The following SDC4 variants were observed in gnomAD, a reference collection of about 807,000 sequenced individuals.
SDC4 encodes the protein syndecan-4.
Under a neutral mutation model 20.5 loss-of-function variants are expected in SDC4, and 17 were observed. That is an observed-to-expected ratio of 0.83 (90% CI 0.57 to 1.25). The LOEUF (loss-of-function observed/expected upper bound fraction) is 1.25, where lower values mean the gene tolerates loss of function less well. SDC4 is among the 50% of genes most tolerant of loss of function. The probability of loss-of-function intolerance (pLI) is 0.00; values close to 1 mark genes in which losing one functional copy is unlikely to be tolerated. For synonymous variants in SDC4, 107 were observed against 105.3 expected (o/e 1.02, Z -0.10); for missense variants, 241 against 252.3 (o/e 0.96, Z 0.30).
chr20:45,335,724 G>A (rs1987852161), intron 2 of SDC4, 58 bp downstream of exon 2: 40 of 1,575,028 alleles, frequency 2.5e-5, no homozygotes, highest in Non-Finnish European at 3.4e-5. Flanking sequence ...CTCCTGGCTG[G>A]TGAAGCCACC....
In SDC4 at chr20:45,335,821, C is replaced by A; in HGVS notation, c.160G>T (p.Glu54Ter). ...DDEDVVGPGQESDDFELSGSG... is the reference protein window; with the variant it reads ...DDEDVVGPGQ Reference sequence around the variant, plus strand: ...CCAGACAGCTCAAAGTCATCAGATTCCTGCCCGGGCCCCACTACATCCTCA... The same window carrying A: ...CCAGACAGCTCAAAGTCATCAGATTACTGCCCGGGCCCCACTACATCCTCA... The change falls in exon 2 of 5, where the codon GAA (glutamate) becomes TAA (stop). Residue 54 changes from glutamate to a stop codon, truncating the protein, a stop_gained. Transcript: ENST00000372733. LOFTEE classifies it high-confidence loss of function. The A allele has an allele frequency of 6.2e-7, 1 of 1,614,072 alleles. No individual in the cohort carries two copies. The highest frequency in any genetic ancestry group is 8.5e-7 in the Non-Finnish European group (1 of 1,180,002).
chr20:45,334,288 C>T (rs553662773), intron 2 of SDC4, among the ~76,000 whole-genome samples: 28 of 151,742 alleles, frequency 1.8e-4, no homozygotes, highest in African/African-American at 5.6e-4. Flanking sequence ...TAAGCCACCG[C>T]GCCCGGCCAA....
chr20:45,327,540 G>T, intron 4 of SDC4, 125 bp from the exon 5 acceptor site: 2 of 1,096,416 alleles, frequency 1.8e-6, no homozygotes, highest in East Asian at 2.6e-5. Context: ...CACTGCCTGT[G>T]CCAGGCAAGC....
intron 1 of SDC4, among the ~76,000 whole-genome samples, chr20:45,346,619 C>T (rs1165335632): frequency 3.3e-5 from 5 of 152,174 alleles, no homozygotes; most frequent in Admixed American, 3.3e-4. Context: ...TAGGTGGTAT[C>T]CCTTCGGATG....
intron 1 of SDC4, chr20:45,345,197 T>A (rs566400560): frequency 6.6e-6 from 1 of 152,286 alleles, no homozygotes; most frequent in Non-Finnish European, 1.5e-5. Flanking sequence ...CAAAAACAAA[T>A]AGAGCAGAGT....
chr20:45,337,463 C>A (rs1371327712), intron 1 of SDC4, among the ~76,000 whole-genome samples: 1 of 152,182 alleles, frequency 6.6e-6, no homozygotes, highest in Non-Finnish European at 1.5e-5. Context: ...CAACTTGAAT[C>A]TGAGCCCGGA....
chr20:45,332,897 G>T, intron 3 of SDC4, 126 bp downstream of exon 3: 1 of 867,490 alleles, frequency 1.2e-6, no homozygotes, highest in Non-Finnish European at 1.8e-6. Flanking sequence ...TTTTTAAAAA[G>T]CCTTCCCGCA....
chr20:45,327,999 G>A (rs1454131797), intron 4 of SDC4, among the ~76,000 whole-genome samples: 1 of 152,078 alleles, frequency 6.6e-6, no homozygotes, highest in African/African-American at 2.4e-5. Context: ...AACACCACGC[G>A]GACTCCCCTG....
In SDC4 at chr20:45,325,837, T is replaced by C. The variant is rs1987677565; in HGVS notation, c.*1427A>G. 6.6e-6 allele frequency: 1 copy of C among 152,540 alleles called. No individual in the cohort carries two copies. The highest frequency in any genetic ancestry group is 2.1e-4 in the South Asian group (1 of 4,836). 9.4% of individuals were successfully genotyped at this position (152,540 alleles called of 1,614,324 possible). ...ATTTTTAATCTTATGTGATTTTAAT[T>C]GGCTTAACTTTAAACAGCCGCATGT... On this transcript the variant is annotated 3_prime_UTR_variant, in exon 5 of 5. Coordinates refer to ENST00000372733, the MANE Select transcript of SDC4 (RefSeq NM_002999.4).
intron 3 of SDC4, among the ~76,000 whole-genome samples, chr20:45,331,217 C>T (rs1308752833): frequency 6.6e-6 from 1 of 152,100 alleles, no homozygotes. Flanking sequence ...CTTTGGATAT[C>T]ACCTTTTGTC....
chr20:45,348,362 G>T lies in SDC4; in HGVS notation c.23C>A (p.Ala8Glu). ...TCCGCCTACGAAGAACAGCAGCAGC[G>T]CGAACAGACGGGCGGGGGCCATGGC... MAPARLFALLLFFVGGVA... is the reference protein window; with the variant it reads MAPARLFELLLFFVGGVA... Residue 8 changes from alanine (A) to glutamate (E), a missense_variant, in exon 1 of 5, where the codon GCG (alanine) becomes GAG (glutamate). Ala to Glu is a moderately radical substitution (Grantham distance 107). Coordinates refer to ENST00000372733, the MANE Select transcript of SDC4 (RefSeq NM_002999.4). 1 of 1,591,004 alleles carries T rather than the reference G, an allele frequency of 6.3e-7. No homozygotes were observed. The highest frequency in any genetic ancestry group is 8.5e-7 in the Non-Finnish European group (1 of 1,170,312).
Position 45,335,760 on chromosome 20 carries a change from C to T in SDC4, c.199+22G>A, listed in dbSNP as rs1317188707. On this transcript the variant is annotated intron_variant, in intron 2 of 4. Coordinates refer to ENST00000372733, the MANE Select transcript of SDC4 (RefSeq NM_002999.4). ...ACTCCCTCCAGCTTTGTGCCTACGCCTGCCCAGCACACCTTCCGTACCCAG... is the reference window on the plus strand; with the variant it reads ...ACTCCCTCCAGCTTTGTGCCTACGCTTGCCCAGCACACCTTCCGTACCCAG... 5.0e-6 allele frequency: 8 copies of T among 1,611,948 alleles called. No individual in the cohort carries two copies. The Admixed American group carries it at 1.2e-4, about 24-fold the overall frequency.
intron 1 of SDC4, among the ~76,000 whole-genome samples, chr20:45,342,047 C>T (rs1987959618): frequency 6.6e-6 from 1 of 152,190 alleles, no homozygotes; most frequent in African/African-American, 2.4e-5. Flanking sequence ...CTGGCTCCCT[C>T]AGGGCCTCAG....
intron 2 of SDC4, among the ~76,000 whole-genome samples, chr20:45,333,655 C>T (rs766398104): frequency 4.1e-4 from 62 of 152,174 alleles, no homozygotes; most frequent in Non-Finnish European, 5.9e-4. Context: ...GGCGACAGAA[C>T]AAGACTCCGT....
chr20:45,348,244 C>CG (rs1988064091), intron 1 of SDC4, 81 bp downstream of exon 1: 7 of 1,174,344 alleles, frequency 6.0e-6, no homozygotes, highest in Non-Finnish European at 8.6e-6. Flanking sequence ...TGCCCCCCCC[C>CG]ATCCCACGCT....
At chr20:45,343,642 C>A (rs1304874550) in intron 1 of SDC4, among the ~76,000 whole-genome samples, 1 of 152,178 alleles carries the variant, frequency 6.6e-6, no homozygotes, top group Non-Finnish European at 1.5e-5. Flanking sequence ...AAGCCCCACC[C>A]TAGATTTCTC....
At chr20:45,345,497 TCAAGAAGTCC>T (rs1290130634) in intron 1 of SDC4, 1 of 152,078 alleles carries the variant, frequency 6.6e-6, no homozygotes, top group Non-Finnish European at 1.5e-5. Context: ...CTCCCTGGGC[TCAAGAAGTCC>T]CAAGAGCTCT....
At chr20:45,347,571 T>C (rs560854392) in intron 1 of SDC4, among the ~76,000 whole-genome samples, 1 of 152,294 alleles carries the variant, frequency 6.6e-6, no homozygotes, top group African/African-American at 2.4e-5. Flanking sequence ...TTCAATTTTC[T>C]TATCTGCAAT....
At position 45,335,831 on chromosome 20, in the gene SDC4, C is replaced by A. The variant is rs1183778068; in HGVS notation, c.150G>T (p.Gly50=). 1.9e-6 allele frequency: 3 copies of A among 1,613,942 alleles called. No homozygotes were observed. Among genetic ancestry groups the A allele is most frequent in the South Asian group, 2.2e-5 (2 of 91,082 alleles). ...GALPDDEDVV[G]PGQESDDFEL... is the part of the protein sequence containing the mutation. ...CAAAGTCATCAGATTCCTGCCCGGGCCCCACTACATCCTCATCGTCTGGTA... is the reference window on the plus strand; with the variant it reads ...CAAAGTCATCAGATTCCTGCCCGGGACCCACTACATCCTCATCGTCTGGTA... The change falls in exon 2 of 5, where the codon GGG becomes GGT. Residue 50 remains glycine (G), a synonymous_variant. Coordinates refer to ENST00000372733, the MANE Select transcript of SDC4 (RefSeq NM_002999.4).
Sources: allele counts gnomAD v4.1 joint callset (sites outside exome capture counted in the v4.1 genomes callset), GRCh38; gene constraint gnomAD v4.1.1; transcripts MANE v1.5; gene names NCBI Gene and HGNC (gene_info 2026-07-23, HGNC 2026-07-21).